Variants in NELL1 observed in about 807,000 individuals in gnomAD.
NELL1 encodes the protein protein kinase C-binding protein NELL1.
A neutral mutation model predicts 107.4 loss-of-function variants in NELL1; 76 were observed. The ratio of observed to expected loss-of-function variants is 0.71; its 90% CI spans 0.59 to 0.86. NELL1 has a LOEUF of 0.86. Among genes scored for constraint, NELL1 ranks in the 40% least tolerant of loss-of-function variants. The probability of loss-of-function intolerance (pLI) is 0.00; values close to 1 mark genes in which losing one functional copy is unlikely to be tolerated. For synonymous variants in NELL1, 353 were observed against 341.2 expected (o/e 1.03, Z -0.38); for missense variants, 1,024 against 1,005.5 (o/e 1.02, Z -0.25).
chr11:21,015,825 T>C (rs1033145056), intron 12 of NELL1, among the ~76,000 whole-genome samples: 1 of 152,118 alleles, frequency 6.6e-6, no homozygotes, highest in African/African-American at 2.4e-5. Flanking sequence ...CACGTCCTGT[T>C]GTCAACACAG....
chr11:21,374,895 G>C (rs1353898487), intron 15 of NELL1, among the ~76,000 whole-genome samples: 3 of 95,322 alleles, frequency 3.1e-5, no homozygotes, highest in African/African-American at 1.2e-4. Flanking sequence ...GTCTGTGTGT[G>C]TGTGTGTGTG....
At chr11:21,362,880 G>T (rs192692729) in intron 14 of NELL1, among the ~76,000 whole-genome samples, 355 of 152,292 alleles carry the variant, frequency 2.3e-3, no homozygotes, top group African/African-American at 8.2e-3. Context: ...ATGGGGGAAT[G>T]GTCCTCAGGT....
intron 4 of NELL1, among the ~76,000 whole-genome samples, chr11:20,881,561 C>T (rs1277314022): frequency 6.6e-6 from 1 of 152,168 alleles, no homozygotes; most frequent in Admixed American, 6.5e-5. Context: ...CATATAGAAG[C>T]CCTCAATACA....
At chr11:21,536,612 G>C (rs566985801) in intron 16 of NELL1, among the ~76,000 whole-genome samples, 4 of 152,244 alleles carry the variant, frequency 2.6e-5, no homozygotes, top group Admixed American at 2.0e-4. Context: ...AGACTATTGA[G>C]CAGCGAATGG....
intron 5 of NELL1, among the ~76,000 whole-genome samples, chr11:20,913,196 T>A (rs1402306645): frequency 1.3e-5 from 2 of 152,110 alleles, no homozygotes; most frequent in African/African-American, 2.4e-5. Flanking sequence ...ACAGAACACA[T>A]CTTCATCCAT....
chr11:20,709,089 T>C (rs1394348196), intron 2 of NELL1, among the ~76,000 whole-genome samples: 1 of 152,126 alleles, frequency 6.6e-6, no homozygotes, highest in African/African-American at 2.4e-5. Context: ...TGCTGCTGTG[T>C]GGCCCGGTTC....
At chr11:21,425,469 C>G (rs1168633427) in intron 15 of NELL1, among the ~76,000 whole-genome samples, 2 of 152,156 alleles carry the variant, frequency 1.3e-5, no homozygotes, top group African/African-American at 4.8e-5. Flanking sequence ...CAGGGTGGAC[C>G]TAATGTAATT....
At chr11:21,546,411 T>A (rs1178530098) in intron 16 of NELL1, among the ~76,000 whole-genome samples, 1 of 152,010 alleles carries the variant, frequency 6.6e-6, no homozygotes, top group African/African-American at 2.4e-5. Context: ...AGATCATCAT[T>A]GATATGGTTT....
chr11:21,324,418 A>C (rs1051477496), intron 14 of NELL1, among the ~76,000 whole-genome samples: 13 of 152,128 alleles, frequency 8.5e-5, no homozygotes, highest in African/African-American at 3.1e-4. Flanking sequence ...TGATTCTCAT[A>C]AAAGGAGTAC....
At chr11:21,296,912 A>T (rs1849387408) in intron 14 of NELL1, among the ~76,000 whole-genome samples, 2 of 151,558 alleles carry the variant, frequency 1.3e-5, no homozygotes, top group African/African-American at 4.8e-5. Flanking sequence ...TAATATAGCT[A>T]TGCCTAATAA....
chr11:20,734,364 G>T (rs765797917), intron 2 of NELL1, among the ~76,000 whole-genome samples: 10 of 152,160 alleles, frequency 6.6e-5, no homozygotes, highest in Non-Finnish European at 1.3e-4. Flanking sequence ...TTTGAAATAT[G>T]ACTGGCTGCT....
At chr11:21,390,538 C>T (rs182452087) in intron 15 of NELL1, among the ~76,000 whole-genome samples, 2,253 of 150,786 alleles carry the variant, frequency 0.015, 22 homozygotes, top group South Asian at 0.065. Flanking sequence ...CACACACACA[C>T]GTGCGCACGC....
At chr11:21,485,112 C>G (rs73469148) in intron 15 of NELL1, among the ~76,000 whole-genome samples, 3,869 of 152,238 alleles carry the variant, frequency 0.025, 176 homozygotes, top group African/African-American at 0.086. Context: ...TCAAGCCTCA[C>G]AGCCTTGAGA....
chr11:21,209,394 G>T lies in NELL1; in HGVS notation c.1427-19938G>T, dbSNP rs1314006273. Among the ~76,000 whole-genome samples the T allele has an allele frequency of 2.7e-5, 4 of 149,142 alleles. No homozygotes were observed. The Admixed American group carries it at 2.7e-4, about 10-fold the overall frequency. On this transcript the variant is annotated intron_variant, in intron 13 of 19. Coordinates refer to ENST00000357134, the MANE Select transcript of NELL1 (RefSeq NM_006157.5). ...ACCCCCATATTACTATCAAATAAAT[G>T]GTTTTTTTCAATTAAGGAAATATGG... is the stretch of plus-strand genomic sequence containing the variant.
chr11:21,044,219 G>T (rs536943008), intron 12 of NELL1, among the ~76,000 whole-genome samples: 2 of 152,248 alleles, frequency 1.3e-5, no homozygotes, highest in South Asian at 4.1e-4. Flanking sequence ...AGCAGGAAGG[G>T]ATTTTAAGAA....
At chr11:21,550,508 C>A (rs375928751) in intron 16 of NELL1, among the ~76,000 whole-genome samples, 3 of 151,822 alleles carry the variant, frequency 2.0e-5, no homozygotes, top group African/African-American at 4.8e-5. Context: ...ATCTTGAATT[C>A]ATTTTTGTAT....
In NELL1 at chr11:21,290,385, AATAAAATAAATAG is replaced by A. The variant is rs1428656602; in HGVS notation, c.1549+60937_1549+60949del. Among the ~76,000 whole-genome samples the A allele has an allele frequency of 2.9e-3, 380 of 128,956 alleles. 1 individual carries two copies. The highest frequency in any genetic ancestry group is 0.01 in the African/African-American group (369 of 35,596). 84.6% of individuals were successfully genotyped at this position (128,956 alleles called of 152,430 possible). ...CGCCATCTCAAAAAATAAATAAATA[AATAAAATAAATAG>A]ATAAATAAATAAATAAATAAATAAA... On this transcript the variant is annotated intron_variant, in intron 14 of 19. Coordinates refer to ENST00000357134, the MANE Select transcript of NELL1 (RefSeq NM_006157.5).
chr11:20,827,648 T>C (rs1466605812), intron 3 of NELL1, among the ~76,000 whole-genome samples: 1 of 151,292 alleles, frequency 6.6e-6, no homozygotes, highest in East Asian at 1.9e-4. Flanking sequence ...GCAGTACACA[T>C]GTATCAATTA....
chr11:21,144,468 G>A (rs1855933305), intron 13 of NELL1, among the ~76,000 whole-genome samples: 1 of 152,138 alleles, frequency 6.6e-6, no homozygotes, highest in Admixed American at 6.6e-5. Flanking sequence ...TGCATATAAA[G>A]CTTTAGGTTT....
Sources: allele counts gnomAD v4.1 joint callset (sites outside exome capture counted in the v4.1 genomes callset), GRCh38; gene constraint gnomAD v4.1.1; transcripts MANE v1.5; gene names NCBI Gene and HGNC (gene_info 2026-07-23, HGNC 2026-07-21).